MKLN1: variants seen among roughly 807,000 people sequenced by gnomAD.
MKLN1 encodes the protein muskelin 1, also known as muskelin.
MKLN1 carries 18 observed loss-of-function variants against 99.0 expected under a neutral mutation model. The ratio of observed to expected loss-of-function variants is 0.18; its 90% CI spans 0.13 to 0.27. MKLN1 has a LOEUF of 0.27. Among genes scored for constraint, MKLN1 ranks in the 10% least tolerant of loss-of-function variants. The probability of loss-of-function intolerance (pLI) is 1.00; values close to 1 mark genes in which losing one functional copy is unlikely to be tolerated. For synonymous variants in MKLN1, 288 were observed against 293.2 expected (o/e 0.98, Z 0.18); for missense variants, 621 against 875.9 (o/e 0.71, Z 3.67).
At chr7:131,312,757 A>G (rs1798589517) in intron 3 of MKLN1, among the ~76,000 whole-genome samples, 1 of 152,220 alleles carries the variant, frequency 6.6e-6, no homozygotes, top group Admixed American at 6.5e-5. Flanking sequence ...AGTTACATAT[A>G]TTAACCACAA....
At chr7:131,394,338 G>A (rs1399072680) in intron 4 of MKLN1, among the ~76,000 whole-genome samples, 3 of 151,988 alleles carry the variant, frequency 2.0e-5, no homozygotes, top group Non-Finnish European at 4.4e-5. Context: ...GTGGAAGACA[G>A]TTTTTCTGTG....
At chr7:131,221,674 A>ATT (rs1162923537) in intron 3 of MKLN1, among the ~76,000 whole-genome samples, 5 of 128,888 alleles carry the variant, frequency 3.9e-5, no homozygotes, top group African/African-American at 8.6e-5. Context: ...CACCCGGCTA[A>ATT]TTTTTTTTTT....
intron 3 of MKLN1, among the ~76,000 whole-genome samples, chr7:131,244,538 C>T (rs568941670): frequency 6.6e-6 from 1 of 152,270 alleles, no homozygotes; most frequent in East Asian, 1.9e-4. Context: ...CTTTTGTCTC[C>T]CTGCTTATAA....
At chr7:131,366,766 T>A (rs1800194947) in intron 1 of MKLN1, among the ~76,000 whole-genome samples, 15 of 152,256 alleles carry the variant, frequency 9.9e-5, no homozygotes. Flanking sequence ...GAGCTAAGAT[T>A]GCACCACTGC....
chr7:131,292,131 A>G (rs1798228496), intron 3 of MKLN1, among the ~76,000 whole-genome samples: 1 of 152,084 alleles, frequency 6.6e-6, no homozygotes. Context: ...TATAGAGTTG[A>G]CCTTACGAAC....
intron 2 of MKLN1, among the ~76,000 whole-genome samples, chr7:131,184,529 AC>A (rs1036764431): frequency 2.8e-5 from 4 of 142,946 alleles, no homozygotes; most frequent in Admixed American, 7.2e-5. Flanking sequence ...TGGCAGTAAT[AC>A]TTTTTTTTTT....
rs6974761 is a variant in MKLN1 at position 131,135,735 on chromosome 7, A to G, written c.-418-7085A>G. On this transcript the variant is annotated intron_variant, in intron 1 of 7. Coordinates refer to the MKLN1 transcript ENST00000416992. ...TGTCATGGAGGTCATTGCGAGCTTC[A>G]TCGGTGTGTTTTCAGTGGAGTAATA... Among the ~76,000 whole-genome samples the G allele has an allele frequency of 1.7e-3, 265 of 152,274 alleles. 1 individual carries two copies. The highest frequency in any genetic ancestry group is 5.9e-3 in the African/African-American group (246 of 41,564).
At chr7:131,317,913 T>G (rs571846004) in intron 3 of MKLN1, among the ~76,000 whole-genome samples, 7 of 152,104 alleles carry the variant, frequency 4.6e-5, no homozygotes, top group African/African-American at 1.7e-4. Context: ...GAGCTAACTA[T>G]CCTAAATATA....
At chr7:131,296,606 A>G (rs1039570057) in intron 3 of MKLN1, among the ~76,000 whole-genome samples, 7 of 152,086 alleles carry the variant, frequency 4.6e-5, no homozygotes, top group Admixed American at 3.9e-4. Context: ...CTCAGATAAA[A>G]AAATACAGTA....
intron 3 of MKLN1, among the ~76,000 whole-genome samples, chr7:131,293,188 G>A (rs555204632): frequency 1.3e-5 from 2 of 152,294 alleles, no homozygotes; most frequent in East Asian, 3.9e-4. Context: ...AAGTGTGAGA[G>A]GCTAATGGAA....
chr7:131,375,576 A>G (rs1793618456), intron 2 of MKLN1, 83 bp downstream of exon 2: 1 of 789,150 alleles, frequency 1.3e-6, no homozygotes. Flanking sequence ...TCTGGAATCT[A>G]CTAATAGTTT....
intron 2 of MKLN1, chr7:131,142,944 A>C (rs1338725550): frequency 6.1e-6 from 8 of 1,304,942 alleles, no homozygotes; most frequent in African/African-American, 3.0e-5. Flanking sequence ...GGAATTCGGT[A>C]AGTGTTGATG....
At chr7:131,114,929 C>G (rs1274633546) in intron 1 of MKLN1, among the ~76,000 whole-genome samples, 4 of 150,260 alleles carry the variant, frequency 2.7e-5, no homozygotes, top group Non-Finnish European at 4.4e-5. Context: ...GAGCAAGACT[C>G]TGTCTCAAGA....
chr7:131,330,423 A>G (rs901609357), intron 1 of MKLN1, among the ~76,000 whole-genome samples: 9 of 152,202 alleles, frequency 5.9e-5, no homozygotes, highest in Non-Finnish European at 1.0e-4. Flanking sequence ...AGGCTCTCTT[A>G]TGAACATTTT....
intron 2 of MKLN1, among the ~76,000 whole-genome samples, chr7:131,384,111 A>G (rs1248632461): frequency 1.3e-5 from 2 of 151,812 alleles, no homozygotes; most frequent in African/African-American, 2.4e-5. Flanking sequence ...TTAGGCTGCA[A>G]CCACACTGGC....
At chr7:131,414,844 T>G in intron 8 of MKLN1, 134 bp downstream of exon 8, 2 of 460,480 alleles carry the variant, frequency 4.3e-6, no homozygotes, top group Non-Finnish European at 8.1e-6. Flanking sequence ...CTAAAAAAAG[T>G]TTAACATGCG....
At position 131,473,258 on chromosome 7, in the gene MKLN1, AT is replaced by A. The variant is rs1205925051; in HGVS notation, c.2031+2318del. 2.0e-5 allele frequency among the ~76,000 whole-genome samples: 3 copies of A among 152,022 alleles called. No individual in the cohort carries two copies. The East Asian group carries it at 5.8e-4, about 29-fold the overall frequency. On this transcript the variant is annotated intron_variant, in intron 16 of 17. Coordinates refer to ENST00000352689, the MANE Select transcript of MKLN1 (RefSeq NM_013255.5). ...ATTGAGAAGGGGCTTACTGTTCTTC[AT>A]TTTCTATAGTAACTTGTTTTTGTTC...
intron 2 of MKLN1, 48 bp downstream of exon 2, chr7:131,375,541 A>G: frequency 9.1e-7 from 1 of 1,098,992 alleles, no homozygotes; most frequent in Non-Finnish European, 1.4e-6. Flanking sequence ...CACCATTTAA[A>G]TAAACACTCA....
chr7:131,356,837 A>G (rs749777255), intron 1 of MKLN1, among the ~76,000 whole-genome samples: 9 of 152,166 alleles, frequency 5.9e-5, no homozygotes, highest in Non-Finnish European at 1.0e-4. Flanking sequence ...TGGGTCTGCC[A>G]CAACTTCAGT....
Sources: gnomAD v4.1 joint callset for allele counts (sites outside exome capture counted in the v4.1 genomes callset) on GRCh38, gnomAD v4.1.1 for gene constraint, MANE v1.5 for transcripts, NCBI Gene and HGNC (gene_info 2026-07-23, HGNC 2026-07-21) for gene names.